CENPC: variants seen among roughly 807,000 people sequenced by gnomAD.
CENPC encodes CENP-C 1.
In CENPC, 63 loss-of-function variants were observed where a neutral mutation model predicts 112.1. The ratio of observed to expected loss-of-function variants is 0.56; its 90% CI spans 0.46 to 0.69. CENPC has a LOEUF of 0.69. CENPC is among the 30% of genes least tolerant of loss of function. The pLI, the probability that CENPC is intolerant of heterozygous loss-of-function variation, is 0.00. For synonymous variants in CENPC, 333 were observed against 367.6 expected (o/e 0.91, Z 1.08); for missense variants, 1,000 against 1,103.8 (o/e 0.91, Z 1.33).
chr4:67,518,338 C>G lies in CENPC; in HGVS notation c.648G>C (p.Lys216Asn). 1 of 1,531,752 alleles carries G rather than the reference C, an allele frequency of 6.5e-7. No homozygotes were observed. The highest frequency in any genetic ancestry group is 8.8e-7 in the Non-Finnish European group (1 of 1,142,570). 94.9% of individuals were successfully genotyped at this position (1,531,752 alleles called of 1,614,324 possible). ...ATACTTTATTATCTATTTCTATTTTCTTTAACATAACTTTATCATCAAAGT... is the reference window on the plus strand; with the variant it reads ...ATACTTTATTATCTATTTCTATTTTGTTTAACATAACTTTATCATCAAAGT... ...RLNFDDKVML[K>N]KIEIDNKVSD... The change falls in exon 7 of 19, where the codon AAG becomes AAC. Residue 216 changes from lysine (K) to asparagine (N), a missense_variant. Coordinates refer to ENST00000273853, the MANE Select transcript of CENPC (RefSeq NM_001812.4).
At chr4:67,512,951 G>A (rs765040948) in intron 8 of CENPC, among the ~76,000 whole-genome samples, 3 of 152,116 alleles carry the variant, frequency 2.0e-5, no homozygotes, top group Admixed American at 6.6e-5. Context: ...GATTTAAAGT[G>A]TGATTAAATT....
At position 67,490,063 on chromosome 4, in the gene CENPC, T is replaced by C. The variant is rs754922657; in HGVS notation, c.2574A>G (p.Val858=). The change falls in exon 17 of 19, where the codon GTA becomes GTG. Residue 858 remains valine (V), a synonymous_variant. Transcript: ENST00000273853. ...AAAAGGGTGTATCCAATGTCTTGTATACCTTCAACTCACCATGCTTAACAA... is the reference window on the plus strand; with the variant it reads ...AAAAGGGTGTATCCAATGTCTTGTACACCTTCAACTCACCATGCTTAACAA... ...QFFVKHGELK[V]YKTLDTPFFS... 2.8e-5 allele frequency: 45 copies of C among 1,610,928 alleles called. 2 individuals carry two copies. The South Asian group carries it at 4.1e-4, about 15-fold the overall frequency.
chr4:67,498,395 T>A (rs1470784541), intron 12 of CENPC, among the ~76,000 whole-genome samples: 1 of 152,190 alleles, frequency 6.6e-6, no homozygotes, highest in Non-Finnish European at 1.5e-5. Context: ...AAGTCAACAA[T>A]GAAGTTTCCC....
At chr4:67,510,743 C>T (rs983359916) in intron 9 of CENPC, 35 of 311,196 alleles carry the variant, frequency 1.1e-4, no homozygotes, top group East Asian at 4.0e-4. Flanking sequence ...CAGTGTCACA[C>T]GTACGACAGG....
At chr4:67,490,247 G>T in intron 16 of CENPC, 126 bp from the exon 17 acceptor site, 1 of 581,254 alleles carries the variant, frequency 1.7e-6, no homozygotes, top group Non-Finnish European at 2.7e-6. Context: ...TTGTTTCAGA[G>T]CATTAACTCT....
chr4:67,477,339 T>C (rs911058762), intron 17 of CENPC, among the ~76,000 whole-genome samples: 2 of 152,186 alleles, frequency 1.3e-5, no homozygotes, highest in African/African-American at 4.8e-5. Flanking sequence ...GCTGCTGAGA[T>C]CCATGGCTGA....
intron 17 of CENPC, among the ~76,000 whole-genome samples, chr4:67,480,059 C>A (rs773533487): frequency 6.6e-6 from 1 of 152,192 alleles, no homozygotes; most frequent in Non-Finnish European, 1.5e-5. Flanking sequence ...GTGGCTGATG[C>A]CTGTAATCCC....
intron 17 of CENPC, among the ~76,000 whole-genome samples, chr4:67,485,954 T>A (rs975644307): frequency 2.6e-5 from 4 of 152,124 alleles, no homozygotes; most frequent in Non-Finnish European, 4.4e-5. Context: ...CTAATCACTG[T>A]GATATACTGC....
chr4:67,545,362 G>A lies in CENPC; in HGVS notation c.-7C>T. The A allele has an allele frequency of 6.6e-7, 1 of 1,523,258 alleles. No individual in the cohort carries two copies. The highest frequency in any genetic ancestry group is 8.8e-7 in the Non-Finnish European group (1 of 1,131,942). The allele number at this position is 1,523,258 out of a possible 1,614,324, so 94.4% of individuals were successfully genotyped here. A position where few individuals can be genotyped will look rare whatever the true frequency, so the allele number is the denominator to read the frequency against. ...CCAGACCGGACGCAGCCATGTTCCG[G>A]CCCCGCTGAGCCAGCGCAACTGTCT... is the stretch of plus-strand genomic sequence containing the variant. On this transcript the variant is annotated 5_prime_UTR_variant, in exon 1 of 19. Transcript: ENST00000273853.
intron 5 of CENPC, among the ~76,000 whole-genome samples, chr4:67,521,816 T>C (rs1726237097): frequency 6.6e-6 from 1 of 152,184 alleles, no homozygotes; most frequent in Non-Finnish European, 1.5e-5. Context: ...TGACACATAC[T>C]ACAACATGGA....
At chr4:67,527,493 C>CTTTTTT (rs11317672) in intron 5 of CENPC, among the ~76,000 whole-genome samples, 3 of 68,080 alleles carry the variant, frequency 4.4e-5, no homozygotes, top group African/African-American at 5.8e-5. Context: ...TCACCCCATC[C>CTTTTTT]TTTTTTTTTT....
At chr4:67,544,493 A>G (rs796097363) in intron 1 of CENPC, among the ~76,000 whole-genome samples, 1 of 152,198 alleles carries the variant, frequency 6.6e-6, no homozygotes, top group South Asian at 2.1e-4. Context: ...AAAAGTATAG[A>G]TTATATTATT....
intron 2 of CENPC, among the ~76,000 whole-genome samples, chr4:67,542,485 T>C (rs1726916024): frequency 6.6e-6 from 1 of 152,198 alleles, no homozygotes; most frequent in Admixed American, 6.5e-5. Flanking sequence ...TCAGAAATCA[T>C]CCAGTCCAAT....
chr4:67,536,414 G>C (rs1234813926), intron 4 of CENPC, among the ~76,000 whole-genome samples: 3 of 152,120 alleles, frequency 2.0e-5, no homozygotes, highest in Non-Finnish European at 4.4e-5. Flanking sequence ...CCAGAAAACA[G>C]AAGAGAAAAA....
At chr4:67,518,006 A>G in intron 7 of CENPC, 150 bp downstream of exon 7, 3 of 466,888 alleles carry the variant, frequency 6.4e-6, no homozygotes, top group Non-Finnish European at 1.1e-5. Flanking sequence ...GTAAAAAACC[A>G]TCTCTCCTTA....
chr4:67,505,310 A>C (rs761995385), intron 11 of CENPC, 26 bp from the exon 12 acceptor site: 5 of 1,336,030 alleles, frequency 3.7e-6, no homozygotes. Context: ...AAACCACAAA[A>C]TTAATGCTTT....
intron 5 of CENPC, among the ~76,000 whole-genome samples, chr4:67,522,581 C>T (rs1726258715): frequency 1.3e-5 from 2 of 152,084 alleles, no homozygotes; most frequent in African/African-American, 4.8e-5. Context: ...CCAAGCAGAG[C>T]CATATAGCCT....
At position 67,468,855 on chromosome 4, in the gene CENPC, G is replaced by C. The variant is rs971791488; in HGVS notation, c.*3750C>G. The stretch of plus-strand genomic sequence containing the variant: ...TAAAAAAGAAATGAGCTATTGATAG[G>C]TATAACTGCTTGGATGATCTTAAGG... On this transcript the variant is annotated 3_prime_UTR_variant, in exon 19 of 19. Transcript: ENST00000273853. The C allele has an allele frequency of 1.3e-5, 2 of 152,142 alleles. No homozygotes were observed. Among genetic ancestry groups the C allele is most frequent in the South Asian group, 4.1e-4 (2 of 4,826 alleles). 9.4% of individuals were successfully genotyped at this position (152,142 alleles called of 1,614,324 possible). A position where few individuals can be genotyped will look rare whatever the true frequency, so the allele number is the denominator to read the frequency against.
At chr4:67,482,673 A>G (rs918939335) in intron 17 of CENPC, among the ~76,000 whole-genome samples, 4 of 152,308 alleles carry the variant, frequency 2.6e-5, no homozygotes, top group African/African-American at 9.6e-5. Flanking sequence ...GTATGTTCTC[A>G]CTTATAAGTG....
Sources: allele counts gnomAD v4.1 joint callset (sites outside exome capture counted in the v4.1 genomes callset), GRCh38; gene constraint gnomAD v4.1.1; transcripts MANE v1.5; gene names NCBI Gene and HGNC (gene_info 2026-07-23, HGNC 2026-07-21).